The following CLVS1 variants were observed in gnomAD, a reference collection of about 807,000 sequenced individuals.
CLVS1 encodes the protein clavesin-1.
A neutral mutation model predicts 33.1 loss-of-function variants in CLVS1; 10 were observed. The observed-to-expected ratio is 0.30, with a 90% confidence interval of 0.19 to 0.51. The LOEUF (loss-of-function observed/expected upper bound fraction) is 0.51. CLVS1 is among the 20% of genes least tolerant of loss of function. CLVS1 has a pLI of 0.97. For synonymous variants in CLVS1, 163 were observed against 166.1 expected, an observed-to-expected ratio of 0.98 and a Z score of 0.14; for missense variants, 343 against 433.4, an observed-to-expected ratio of 0.79 and a Z score of 1.85.
chr8:61,326,965 G>A (rs181544099), intron 2 of CLVS1, among the ~76,000 whole-genome samples: 38 of 152,248 alleles, frequency 2.5e-4, no homozygotes, highest in African/African-American at 8.7e-4. Flanking sequence ...ACATGTTTCA[G>A]TTCAGCTAAA....
intron 3 of CLVS1, among the ~76,000 whole-genome samples, chr8:61,405,604 C>A (rs1814955288): frequency 6.6e-6 from 1 of 151,758 alleles, no homozygotes; most frequent in Non-Finnish European, 1.5e-5. Context: ...CAGGGCCCCT[C>A]TACAAAACAT....
chr8:61,152,906 G>T (rs2129295179), intron 2 of CLVS1, among the ~76,000 whole-genome samples: 1 of 152,272 alleles, frequency 6.6e-6, no homozygotes, highest in East Asian at 1.9e-4. Flanking sequence ...CAAGTGCAGT[G>T]CCTCACACCT....
chr8:61,446,997 G>A (rs148994254), intron 3 of CLVS1, among the ~76,000 whole-genome samples: 5 of 151,916 alleles, frequency 3.3e-5, no homozygotes, highest in African/African-American at 1.2e-4. Flanking sequence ...TTTGTTTTAT[G>A]ACTTAGGTAT....
the CLVS1 span, among the ~76,000 whole-genome samples, chr8:61,001,985 C>T: frequency 4.0e-5 from 6 of 148,188 alleles, no homozygotes; most frequent in African/African-American, 1.5e-4. Context: ...AATCAACCCA[C>T]TTTTTTTTTT....
At chr8:61,305,083 T>C (rs1010760219) in intron 2 of CLVS1, among the ~76,000 whole-genome samples, 1 of 151,902 alleles carries the variant, frequency 6.6e-6, no homozygotes, top group Non-Finnish European at 1.5e-5. Flanking sequence ...ACCTGTACAG[T>C]AGGGGTGATG....
At chr8:61,119,904 A>G (rs1805820438) in intron 1 of CLVS1, among the ~76,000 whole-genome samples, 1 of 107,766 alleles carries the variant, frequency 9.3e-6, no homozygotes, top group Admixed American at 7.9e-5. Flanking sequence ...TATTTCCTGA[A>G]TTTGAATGTT....
chr8:61,233,697 C>T (rs949046015), intron 2 of CLVS1, among the ~76,000 whole-genome samples: 1 of 152,242 alleles, frequency 6.6e-6, no homozygotes, highest in South Asian at 2.1e-4. Context: ...GGTCTCCTCT[C>T]CTGCAGCCTG....
intron 5 of CLVS1, among the ~76,000 whole-genome samples, chr8:61,460,715 C>T (rs1212416774): frequency 6.6e-6 from 1 of 152,146 alleles, no homozygotes; most frequent in Non-Finnish European, 1.5e-5. Flanking sequence ...GTTCTTTGGC[C>T]CTTCAGAAAG....
At chr8:61,256,677 C>A (rs1809091240) in intron 2 of CLVS1, among the ~76,000 whole-genome samples, 1 of 151,650 alleles carries the variant, frequency 6.6e-6, no homozygotes, top group Non-Finnish European at 1.5e-5. Context: ...AAAAACTAAC[C>A]TACTCTTTAT....
intron 1 of CLVS1, among the ~76,000 whole-genome samples, chr8:61,057,403 CA>C (rs1563387102): frequency 5.3e-5 from 8 of 150,418 alleles, no homozygotes; most frequent in East Asian, 1.9e-4. Flanking sequence ...CACACACACA[CA>C]CACACACACC....
intron 1 of CLVS1, among the ~76,000 whole-genome samples, chr8:61,296,645 A>T (rs1019643016): frequency 6.6e-6 from 1 of 152,240 alleles, no homozygotes; most frequent in African/African-American, 2.4e-5. Context: ...TTAATCAATC[A>T]GCCACAACAT....
intron 3 of CLVS1, among the ~76,000 whole-genome samples, chr8:61,410,509 A>G (rs1027047148): frequency 7.9e-5 from 12 of 152,196 alleles, no homozygotes; most frequent in African/African-American, 2.9e-4. Context: ...TCCAAAGCCC[A>G]TTGTGCAATT....
chr8:61,090,696 A>G lies in CLVS1; in HGVS notation c.-243+33466A>G, dbSNP rs144137087. Among the ~76,000 whole-genome samples the G allele has an allele frequency of 2.1e-4, 32 of 152,334 alleles. No homozygotes were observed. In the East Asian group the frequency reaches 5.6e-3, roughly 27 times the overall value. ...TCACCTGTTTTGAACAGCAATGTCTATAACAATTTTGCTATGCATATCCCA... is the reference window on the plus strand; with the variant it reads ...TCACCTGTTTTGAACAGCAATGTCTGTAACAATTTTGCTATGCATATCCCA... On this transcript the variant is annotated intron_variant, in intron 1 of 2. Transcript: ENST00000522621.
chr8:61,247,321 G>A (rs1312048002), intron 2 of CLVS1, among the ~76,000 whole-genome samples: 1 of 152,160 alleles, frequency 6.6e-6, no homozygotes, highest in Non-Finnish European at 1.5e-5. Context: ...CCAGTAATGG[G>A]ATTGCTGTGT....
At chr8:61,245,992 G>T (rs1369922393) in intron 2 of CLVS1, among the ~76,000 whole-genome samples, 1 of 151,498 alleles carries the variant, frequency 6.6e-6, no homozygotes, top group East Asian at 1.9e-4. Flanking sequence ...GACTGGTCTC[G>T]AACTCCTGAC....
chr8:61,313,803 A>G (rs1451979990), intron 2 of CLVS1, among the ~76,000 whole-genome samples: 1 of 152,064 alleles, frequency 6.6e-6, no homozygotes, highest in Non-Finnish European at 1.5e-5. Context: ...TGAACTTGAG[A>G]ATGAGGGAGG....
chr8:61,256,725 G>A (rs889219799), intron 2 of CLVS1, among the ~76,000 whole-genome samples: 6 of 152,100 alleles, frequency 3.9e-5, no homozygotes, highest in Admixed American at 1.3e-4. Context: ...AGGTAACTTT[G>A]TTCTGACCAT....
chr8:61,229,429 C>G (rs954697966), intron 2 of CLVS1, among the ~76,000 whole-genome samples: 1 of 152,202 alleles, frequency 6.6e-6, no homozygotes, highest in Non-Finnish European at 1.5e-5. Context: ...GTTAGCCCCA[C>G]TCTCTAGACA....
At chr8:61,217,502 A>G (rs1456933610) in intron 2 of CLVS1, among the ~76,000 whole-genome samples, 2 of 152,192 alleles carry the variant, frequency 1.3e-5, no homozygotes, top group Admixed American at 6.6e-5. Flanking sequence ...GAATATATTA[A>G]CCTCATGGTT....
Sources: gnomAD v4.1 joint callset for allele counts (sites outside exome capture counted in the v4.1 genomes callset) on GRCh38, gnomAD v4.1.1 for gene constraint, MANE v1.5 for transcripts, NCBI Gene and HGNC (gene_info 2026-07-23, HGNC 2026-07-21) for gene names.